The following KHK variants were observed in gnomAD, a reference collection of about 807,000 sequenced individuals.
KHK encodes the protein ketohexokinase.
KHK carries 37 observed loss-of-function variants against 36.0 expected under a neutral mutation model. That is an observed-to-expected ratio of 1.03 (90% CI 0.79 to 1.35). The LOEUF is 1.35. Among genes scored for constraint, KHK ranks in the 40% most tolerant of loss-of-function variants. The pLI, the probability that KHK is intolerant of heterozygous loss-of-function variation, is 0.00. For missense variants in KHK, 395 were observed against 391.9 expected (o/e 1.01, Z -0.07); for synonymous variants, 161 against 162.8 (o/e 0.99, Z 0.08).
chr2:27,100,403 C>T lies in KHK; in HGVS notation c.*653C>T, dbSNP rs570660611. 2 of 1,287,074 alleles carry T rather than the reference C, an allele frequency of 1.6e-6. No individual in the cohort carries two copies. The highest frequency in any genetic ancestry group is 2.5e-5 in the South Asian group (2 of 80,952). 79.7% of individuals were successfully genotyped at this position (1,287,074 alleles called of 1,614,324 possible). A position where few individuals can be genotyped will look rare whatever the true frequency, so the allele number is the denominator to read the frequency against. ...CTGCCCCAGAGCCTGAAAGTCTCAC[C>T]CTTGGAGCCCACCTTGGAATTAAGG... is the stretch of plus-strand genomic sequence containing the variant. On this transcript the variant is annotated 3_prime_UTR_variant, in exon 8 of 8. Coordinates refer to ENST00000260598, the MANE Select transcript of KHK (RefSeq NM_006488.3).
intron 2 of KHK, among the ~76,000 whole-genome samples, 156 bp downstream of exon 2, chr2:27,092,604 C>T (rs1343899128): frequency 6.6e-6 from 1 of 152,218 alleles, no homozygotes; most frequent in Non-Finnish European, 1.5e-5. Context: ...ACGCCCAGCC[C>T]TGCCTTGGCG....
rs1002968876 is a variant in KHK at position 27,087,264 on chromosome 2, A to AGTAGCAC, written c.5_6insGTAGCAC (p.Glu3Ter). The AGTAGCAC allele has an allele frequency of 1.3e-5, 21 of 1,590,440 alleles. No homozygotes were observed. The highest frequency in any genetic ancestry group is 5.4e-5 in the African/African-American group (4 of 74,506). ...GGAAGCTCTGGGAGTAGCCTCATGG[A>AGTAGCAC]AGAGAAGCAGATCCTGTGCGTGGGG... On this transcript the variant is annotated stop_gained and frameshift_variant, in exon 1 of 8. Coordinates refer to ENST00000260598, the MANE Select transcript of KHK (RefSeq NM_006488.3). LOFTEE classifies it high-confidence loss of function.
rs759213813 is a variant in KHK at position 27,096,725 on chromosome 2, C to T, written c.345-4C>T. On this transcript the variant is annotated splice_region_variant and splice_polypyrimidine_tract_variant and intron_variant, in intron 3 of 7. Transcript: ENST00000260598. ...TTCTCTGTCTTTTCCATCCTGTGAC[C>T]TAGGAGCCTGCCAGATGTGTCTGCT... 10 of 1,613,390 alleles carry T rather than the reference C, an allele frequency of 6.2e-6. No individual in the cohort carries two copies. The highest frequency in any genetic ancestry group is 8.5e-6 in the Non-Finnish European group (10 of 1,179,380).
chr2:27,086,912 G>A lies in KHK; in HGVS notation c.-348G>A. 1 of 227,472 alleles carries A rather than the reference G, an allele frequency of 4.4e-6. No homozygotes were observed. The highest frequency in any genetic ancestry group is 8.7e-6 in the Non-Finnish European group (1 of 114,358). 14.1% of individuals were successfully genotyped at this position (227,472 alleles called of 1,614,324 possible). ...AGATCGCTTAGCCGCGCTTTAAAAA[G>A]GTTTGCATCAGCTGTGAGTCCATCT... On this transcript the variant is annotated 5_prime_UTR_variant, in exon 1 of 8. Coordinates refer to ENST00000260598, the MANE Select transcript of KHK (RefSeq NM_006488.3).
rs1670659263 is a variant in KHK, at chr2:27,099,577, GGTGA to G, written c.811+3_811+6del. On this transcript the variant is annotated splice_donor_variant and splice_donor_region_variant and intron_variant, in intron 7 of 7. Coordinates refer to ENST00000260598, the MANE Select transcript of KHK (RefSeq NM_006488.3). LOFTEE classifies it high-confidence loss of function. ...CTCCGTCATCTTCAGCCTCTCCCAG[GGTGA>G]GTATGGCAGCAGGAGGGGAAAAGGA... 1.2e-6 allele frequency: 2 copies of G among 1,614,016 alleles called. No homozygotes were observed. The highest frequency in any genetic ancestry group is 3.3e-5 in the Admixed American group (2 of 60,012).
At chr2:27,090,169 G>A (rs568054451) in intron 1 of KHK, among the ~76,000 whole-genome samples, 1 of 152,264 alleles carries the variant, frequency 6.6e-6, no homozygotes, top group African/African-American at 2.4e-5. Flanking sequence ...GAGCATTTCT[G>A]CACAGGAAAT....
rs1482514899 is a variant in KHK at position 27,094,600 on chromosome 2, A to G, written c.210-200A>G. On this transcript the variant is annotated intron_variant, in intron 2 of 7. Transcript: ENST00000260598. ...AGGCCAGTGGTAGCCGCACCATCCT[A>G]TACTATGACAGGTTTGTACAACTGT... 5.0e-6 allele frequency: 8 copies of G among 1,614,066 alleles called. No homozygotes were observed. The highest frequency in any genetic ancestry group is 1.6e-4 in the Middle Eastern group (1 of 6,062).
At chr2:27,087,478 C>T (rs926452863) in intron 1 of KHK, 127 bp downstream of exon 1, 1 of 658,456 alleles carries the variant, frequency 1.5e-6, no homozygotes, top group Non-Finnish European at 2.6e-6. Flanking sequence ...CGGACCCGCG[C>T]CCTCTACCCG....
intron 5 of KHK, among the ~76,000 whole-genome samples, chr2:27,098,068 A>G (rs951997186): frequency 6.6e-6 from 1 of 152,094 alleles, no homozygotes; most frequent in African/African-American, 2.4e-5. Context: ...GGGTGAGGGA[A>G]GGGTGGGAAG....
intron 3 of KHK, among the ~76,000 whole-genome samples, chr2:27,096,123 G>A (rs1327543316): frequency 6.6e-6 from 1 of 152,198 alleles, no homozygotes; most frequent in Admixed American, 6.5e-5. Flanking sequence ...AACGTGGAGC[G>A]GGGACTTTGG....
intron 3 of KHK, among the ~76,000 whole-genome samples, chr2:27,096,034 A>G (rs1670312539): frequency 6.6e-6 from 1 of 152,184 alleles, no homozygotes; most frequent in South Asian, 2.1e-4. Context: ...TTTCAGCCCC[A>G]TTTATCAATG....
Position 27,094,580 on chromosome 2 carries a change from A to G in KHK, c.210-220A>G. On this transcript the variant is annotated intron_variant, in intron 2 of 7. Transcript: ENST00000260598. ...CGCCACGGTCATCATCAACGAGGCC[A>G]GTGGTAGCCGCACCATCCTATACTA... The G allele has an allele frequency of 2.5e-6, 4 of 1,614,152 alleles. No homozygotes were observed. In the South Asian group the frequency reaches 4.4e-5, roughly 18 times the overall value.
chr2:27,089,352 G>A (rs867811677), intron 1 of KHK, among the ~76,000 whole-genome samples: 11 of 152,252 alleles, frequency 7.2e-5, no homozygotes, highest in Middle Eastern at 3.4e-3. Context: ...GTGCAAGGTC[G>A]AGGCAGCCAC....
In KHK at chr2:27,092,418, T is replaced by A. The variant is rs1670069538; in HGVS notation, c.179T>A (p.Met60Lys). Residue 60 changes from methionine to lysine, a missense_variant, in exon 2 of 8, where the codon ATG becomes AAG. Physicochemically the swap from Met to Lys is moderately conservative, Grantham distance 95. Transcript: ENST00000260598. ...CTGCTCGGAGCCCCCTGTGCCTTCA[T>A]GGGCTCAATGGCTCCTGGCCATGTT... The part of the protein sequence containing the change: ...LSLLGAPCAF[M>K]GSMAPGHVAD... 1 of 1,613,256 alleles carries A rather than the reference T, an allele frequency of 6.2e-7. No homozygotes were observed. The highest frequency in any genetic ancestry group is 8.5e-7 in the Non-Finnish European group (1 of 1,179,858).
rs7573066 is a variant in KHK at position 27,100,330 on chromosome 2, T to C, written c.*580T>C. On this transcript the variant is annotated 3_prime_UTR_variant, in exon 8 of 8. Coordinates refer to ENST00000260598, the MANE Select transcript of KHK (RefSeq NM_006488.3). ...GCCTCCTCTGCCCTGCCCACCAGCC[T>C]GTGATTTGATGGGGTCTTCATTGTC... 40,692 of 893,340 alleles carry C rather than the reference T, an allele frequency of 0.046. 1,126 individuals are homozygous for C. Among genetic ancestry groups the C allele is most frequent in the Middle Eastern group, 0.057 (131 of 2,318 alleles). The allele number at this position is 893,340 out of a possible 1,614,324, so 55.3% of individuals were successfully genotyped here.
At chr2:27,097,104 C>T (rs989791101) in intron 4 of KHK, among the ~76,000 whole-genome samples, 3 of 152,174 alleles carry the variant, frequency 2.0e-5, no homozygotes, top group Non-Finnish European at 2.9e-5. Flanking sequence ...TGTCTGACTG[C>T]TTAGGGCCTG....
chr2:27,099,377 G>C, intron 6 of KHK, 43 bp from the exon 7 acceptor site: 2 of 1,611,968 alleles, frequency 1.2e-6, no homozygotes, highest in Non-Finnish European at 1.7e-6. Flanking sequence ...TGGCTGGGGG[G>C]ACGGGGTGGG....
chr2:27,090,452 C>CTTTTTTTTTTTTTTTTTTTT (rs559420015), intron 1 of KHK, among the ~76,000 whole-genome samples: 11 of 110,120 alleles, frequency 1.0e-4, no homozygotes, highest in Admixed American at 3.1e-4. Context: ...TTTTTTCTTT[C>CTTTTTTTTTTTTTTTTTTTT]TTTTTTTTTT....
chr2:27,095,864 CTTG>C lies in KHK; in HGVS notation c.345-862_345-860del, dbSNP rs536379520. Among the ~76,000 whole-genome samples, 39 of 152,318 alleles carry C rather than the reference CTTG, an allele frequency of 2.6e-4. No individual in the cohort carries two copies. The East Asian group carries it at 7.0e-3, about 27-fold the overall frequency. ...CGCATTGGGCAATCCTAGTCAAATG[CTTG>C]TTAAGCAACAATCCGTAGTAACCCT... On this transcript the variant is annotated intron_variant, in intron 3 of 7. Transcript: ENST00000260598.
Sources: gnomAD v4.1 joint callset for allele counts (sites outside exome capture counted in the v4.1 genomes callset) on GRCh38, gnomAD v4.1.1 for gene constraint, MANE v1.5 for transcripts, NCBI Gene and HGNC (gene_info 2026-07-23, HGNC 2026-07-21) for gene names.